Variants in CDK14 observed in about 807,000 individuals in gnomAD.
The protein encoded by CDK14 is cyclin-dependent kinase 14.
CDK14 carries 34 observed loss-of-function variants against 60.7 expected under a neutral mutation model. That is an observed-to-expected ratio of 0.56 (90% CI 0.43 to 0.75). The LOEUF (loss-of-function observed/expected upper bound fraction) is 0.75, where lower values mean the gene tolerates loss of function less well. Among genes scored for constraint, CDK14 ranks in the 30% least tolerant of loss-of-function variants. CDK14 has a pLI of 0.00. For synonymous variants in CDK14, 197 were observed against 203.7 expected, an observed-to-expected ratio of 0.97 and a Z score of 0.28; for missense variants, 482 against 564.1, an observed-to-expected ratio of 0.85 and a Z score of 1.47.
chr7:91,000,040 G>T (rs1488144023), intron 10 of CDK14, among the ~76,000 whole-genome samples: 1 of 152,132 alleles, frequency 6.6e-6, no homozygotes, highest in Non-Finnish European at 1.5e-5. Context: ...TTCTAAAGTG[G>T]TGATTTTATT....
In CDK14 at chr7:90,638,439, A is replaced by C. The variant is rs1408835561; in HGVS notation, c.123+34190A>C. Among the ~76,000 whole-genome samples, 3 of 152,106 alleles carry C rather than the reference A, an allele frequency of 2.0e-5. No homozygotes were observed. In the South Asian group the frequency reaches 6.2e-4, roughly 32 times the overall value. ...TTCTGGGTTGAAAATTTTTTTCTTT[A>C]AGAATGTTGAATATTGGCCCCCACT... is the stretch of plus-strand genomic sequence containing the variant. On this transcript the variant is annotated intron_variant, in intron 2 of 14. Transcript: ENST00000380050.
At chr7:90,690,195 G>A (rs1439412613) in intron 2 of CDK14, among the ~76,000 whole-genome samples, 1 of 152,132 alleles carries the variant, frequency 6.6e-6, no homozygotes, top group Non-Finnish European at 1.5e-5. Context: ...CTATAAAGCA[G>A]ACCTCAATCT....
At chr7:91,026,204 G>T (rs540439928) in intron 10 of CDK14, among the ~76,000 whole-genome samples, 1 of 152,276 alleles carries the variant, frequency 6.6e-6, no homozygotes, top group South Asian at 2.1e-4. Flanking sequence ...GAGATCAGAG[G>T]AAGAGTAGAA....
chr7:90,722,564 C>A (rs553478321), intron 2 of CDK14, among the ~76,000 whole-genome samples: 2 of 151,840 alleles, frequency 1.3e-5, no homozygotes, highest in African/African-American at 4.8e-5. Context: ...AAATGGTAAA[C>A]GTGAAATGTT....
At position 90,875,327 on chromosome 7, in the gene CDK14, A is replaced by T. The variant is rs1418601463; in HGVS notation, c.639+12058A>T. ...ATAGTGCTGCTATGAACATTTGTGT[A>T]CGTGCATTTGTTTATCTTCTTTCAA... On this transcript the variant is annotated intron_variant, in intron 6 of 14. Coordinates refer to ENST00000380050, the MANE Select transcript of CDK14 (RefSeq NM_001287135.2). Among the ~76,000 whole-genome samples the T allele has an allele frequency of 2.0e-5, 3 of 152,172 alleles. No individual in the cohort carries two copies. The East Asian group carries it at 5.8e-4, about 29-fold the overall frequency.
chr7:90,939,985 G>A (rs995935284), intron 8 of CDK14, among the ~76,000 whole-genome samples: 5 of 152,246 alleles, frequency 3.3e-5, no homozygotes, highest in South Asian at 2.1e-4. Context: ...GAACCAAACC[G>A]TAGTGAAATA....
chr7:91,182,557 A>T (rs1013909984), intron 14 of CDK14, among the ~76,000 whole-genome samples: 7 of 152,106 alleles, frequency 4.6e-5, no homozygotes, highest in Non-Finnish European at 8.8e-5. Flanking sequence ...CATAAAATTT[A>T]AAAAAATAGG....
At chr7:91,039,202 G>A (rs749456679) in intron 10 of CDK14, among the ~76,000 whole-genome samples, 30 of 151,994 alleles carry the variant, frequency 2.0e-4, no homozygotes, top group Admixed American at 6.6e-4. Flanking sequence ...GGCCCCCACC[G>A]CGCTCATTAC....
At position 90,955,746 on chromosome 7, in the gene CDK14, G is replaced by C. The variant is rs1442107981; in HGVS notation, c.876G>C (p.Val292=). ...CTAGCCACACATACTCCAACGAAGT[G>C]GTTACCTTGTGGTACAGACCTCCAG... is the stretch of plus-strand genomic sequence containing the variant. The part of the protein sequence containing the change: ...SVPSHTYSNE[V]VTLWYRPPDV... Residue 292 remains valine, a synonymous_variant, in exon 9 of 15, where the codon GTG becomes GTC. Transcript: ENST00000380050. 4 of 1,613,298 alleles carry C rather than the reference G, an allele frequency of 2.5e-6. No individual in the cohort carries two copies. Among genetic ancestry groups the C allele is most frequent in the Admixed American group, 3.3e-5 (2 of 59,968 alleles).
intron 5 of CDK14, among the ~76,000 whole-genome samples, chr7:90,801,454 A>T (rs17163227): frequency 0.16 from 23,610 of 152,162 alleles, 1,943 homozygotes; most frequent in Middle Eastern, 0.25. Context: ...GTGGAGATAG[A>T]TTACATCTGT....
chr7:90,721,007 TAA>T (rs1272622107), intron 2 of CDK14, among the ~76,000 whole-genome samples: 1 of 152,162 alleles, frequency 6.6e-6, no homozygotes, highest in Non-Finnish European at 1.5e-5. Context: ...TTAACTTCTT[TAA>T]AAAAATGCTT....
At chr7:90,980,183 G>A (rs1795193793) in intron 9 of CDK14, among the ~76,000 whole-genome samples, 1 of 152,116 alleles carries the variant, frequency 6.6e-6, no homozygotes, top group African/African-American at 2.4e-5. Flanking sequence ...TGTGAGCATA[G>A]GTGGGTGTTT....
In CDK14 at chr7:90,747,752, T is replaced by C; in HGVS notation, c.441T>C (p.Ala147=). The C allele has an allele frequency of 6.3e-7, 1 of 1,590,802 alleles. No homozygotes were observed. The highest frequency in any genetic ancestry group is 8.5e-7 in the Non-Finnish European group (1 of 1,171,906). ...AAAAACTAGGGGAAGGATCTTATGC[T>C]ACAGTATACAAAGGGAAAAGCAAGT... ...KLEKLGEGSY[A]TVYKGKSKVN... Residue 147 remains alanine (A), a synonymous_variant, in exon 4 of 15, where the codon GCT becomes GCC. Coordinates refer to ENST00000380050, the MANE Select transcript of CDK14 (RefSeq NM_001287135.2).
At chr7:91,191,481 G>A (rs1802359928) in intron 14 of CDK14, among the ~76,000 whole-genome samples, 2 of 151,756 alleles carry the variant, frequency 1.3e-5, no homozygotes, top group South Asian at 4.2e-4. Flanking sequence ...TCTACAAGAT[G>A]CTTAGGATTC....
chr7:90,844,337 G>A (rs1389834961), intron 5 of CDK14, among the ~76,000 whole-genome samples: 1 of 152,156 alleles, frequency 6.6e-6, no homozygotes, highest in Non-Finnish European at 1.5e-5. Context: ...GGTGGGGTAA[G>A]GAGAAATACA....
intron 11 of CDK14, among the ~76,000 whole-genome samples, chr7:91,057,844 C>T (rs576494213): frequency 6.6e-6 from 1 of 152,088 alleles, no homozygotes; most frequent in Admixed American, 6.6e-5. Context: ...TAGCGTGATG[C>T]CTCCAGCTTT....
At chr7:91,062,651 C>G (rs1037889636) in intron 11 of CDK14, among the ~76,000 whole-genome samples, 6 of 152,176 alleles carry the variant, frequency 3.9e-5, no homozygotes, top group African/African-American at 1.4e-4. Context: ...TCCTGTGTAT[C>G]AAATGCTTTC....
intron 2 of CDK14, among the ~76,000 whole-genome samples, chr7:90,672,883 T>G (rs1801125275): frequency 6.6e-6 from 1 of 152,282 alleles, no homozygotes; most frequent in African/African-American, 2.4e-5. Context: ...TCGGCTATTA[T>G]GACTAATGTA....
intron 2 of CDK14, among the ~76,000 whole-genome samples, chr7:90,623,495 G>A (rs1421854248): frequency 1.3e-5 from 2 of 152,166 alleles, no homozygotes; most frequent in African/African-American, 4.8e-5. Flanking sequence ...AGGAAAAAAA[G>A]CACAACTGAA....
Sources: allele counts gnomAD v4.1 joint callset (sites outside exome capture counted in the v4.1 genomes callset), GRCh38; gene constraint gnomAD v4.1.1; transcripts MANE v1.5; gene names NCBI Gene and HGNC (gene_info 2026-07-23, HGNC 2026-07-21).